Variants in KCNQ5 observed in about 807,000 individuals in gnomAD.
The protein encoded by KCNQ5 is potassium voltage-gated channel subfamily KQT member 5.
In KCNQ5, 30 loss-of-function variants were observed where a neutral mutation model predicts 98.2. The observed-to-expected ratio is 0.31, with a 90% CI of 0.23 to 0.41. The LOEUF (loss-of-function observed/expected upper bound fraction) is 0.41, where lower values mean the gene tolerates loss of function less well. KCNQ5 is among the 10% of genes least tolerant of loss of function. The pLI is 1.00. For missense variants in KCNQ5, 835 were observed against 1,182.5 expected, an observed-to-expected ratio of 0.71 and a Z score of 4.31; for synonymous variants, 458 against 449.4, an observed-to-expected ratio of 1.02 and a Z score of -0.24.
chr6:73,142,293 T>A (rs1776754056), intron 10 of KCNQ5, among the ~76,000 whole-genome samples: 1 of 152,178 alleles, frequency 6.6e-6, no homozygotes, highest in African/African-American at 2.4e-5. Context: ...GGGGACCATG[T>A]TAGAGTCAGG....
At chr6:72,908,317 C>G (rs747831943) in intron 1 of KCNQ5, among the ~76,000 whole-genome samples, 1 of 151,882 alleles carries the variant, frequency 6.6e-6, no homozygotes, top group African/African-American at 2.4e-5. Flanking sequence ...AATAAAATTG[C>G]GTTGTGTTTG....
At chr6:72,795,881 A>G (rs977177872) in intron 1 of KCNQ5, among the ~76,000 whole-genome samples, 3 of 151,236 alleles carry the variant, frequency 2.0e-5, no homozygotes, top group African/African-American at 7.3e-5. Flanking sequence ...TTCTTTTTGT[A>G]TATATATATA....
intron 9 of KCNQ5, among the ~76,000 whole-genome samples, chr6:73,128,580 A>G (rs1284494294): frequency 2.0e-5 from 3 of 152,164 alleles, no homozygotes; most frequent in African/African-American, 7.2e-5. Flanking sequence ...CTATCTACCT[A>G]AGTTTTATTG....
Position 72,937,477 on chromosome 6 carries a change from T to A in KCNQ5, c.399-66431T>A, listed in dbSNP as rs1410289303. ...ATATGTCTGTAAAATATAGCACACATTACCAAAATAAATATAATTTTGATC... is the reference window on the plus strand; with the variant it reads ...ATATGTCTGTAAAATATAGCACACAATACCAAAATAAATATAATTTTGATC... On this transcript the variant is annotated intron_variant, in intron 1 of 13. Transcript: ENST00000370398. Among the ~76,000 whole-genome samples the A allele has an allele frequency of 2.6e-5, 4 of 152,210 alleles. No homozygotes were observed. In the East Asian group the frequency reaches 5.8e-4, roughly 22 times the overall value.
In KCNQ5 at chr6:72,683,460, C is replaced by T. The variant is rs372391949; in HGVS notation, c.398+60873C>T. 1.1e-4 allele frequency among the ~76,000 whole-genome samples: 17 copies of T among 150,592 alleles called. 1 individual carries two copies. The highest frequency in any genetic ancestry group is 3.9e-4 in the African/African-American group (16 of 40,870). On this transcript the variant is annotated intron_variant, in intron 1 of 13. Transcript: ENST00000370398. ...TCGGCTCACTGTAAGCTCTGCCTCC[C>T]GGGTTCACGCCATTCTCCTGCCTCA...
At chr6:73,185,595 C>G (rs1042040355) in intron 11 of KCNQ5, among the ~76,000 whole-genome samples, 23 of 152,122 alleles carry the variant, frequency 1.5e-4, no homozygotes, top group African/African-American at 5.6e-4. Context: ...TTTTGTGGAC[C>G]TACACATACT....
intron 1 of KCNQ5, chr6:72,987,385 C>T (rs4708009): frequency 2.8e-6 from 2 of 713,800 alleles, no homozygotes; most frequent in Non-Finnish European, 5.3e-6. Context: ...TCAGGCAAAA[C>T]GGAAGCTTGT....
intron 1 of KCNQ5, among the ~76,000 whole-genome samples, chr6:72,646,149 T>G (rs1481164519): frequency 6.6e-6 from 1 of 152,158 alleles, no homozygotes; most frequent in African/African-American, 2.4e-5. Flanking sequence ...AATTCAAATC[T>G]CTGTATAATT....
intron 1 of KCNQ5, among the ~76,000 whole-genome samples, chr6:72,888,131 AGTAAAAC>A (rs1488831646): frequency 6.6e-6 from 1 of 152,212 alleles, no homozygotes; most frequent in Non-Finnish European, 1.5e-5. Flanking sequence ...TAATACATAA[AGTAAAAC>A]GTTAAAATTT....
At chr6:72,821,968 G>A (rs1352231956) in intron 1 of KCNQ5, among the ~76,000 whole-genome samples, 3 of 152,006 alleles carry the variant, frequency 2.0e-5, no homozygotes, top group Admixed American at 6.6e-5. Flanking sequence ...GCCCCTGAAC[G>A]GCCCTATCTT....
intron 1 of KCNQ5, among the ~76,000 whole-genome samples, chr6:72,844,443 A>G (rs1339180070): frequency 6.6e-6 from 1 of 152,252 alleles, no homozygotes; most frequent in Non-Finnish European, 1.5e-5. Context: ...GATCCATTCT[A>G]TAATGAAACA....
At chr6:72,962,420 C>T (rs1288312261) in intron 1 of KCNQ5, among the ~76,000 whole-genome samples, 4 of 151,658 alleles carry the variant, frequency 2.6e-5, no homozygotes, top group South Asian at 4.2e-4. Context: ...GATGGGTGCA[C>T]TAAAATCCCA....
At chr6:72,800,542 G>A (rs971242501) in intron 1 of KCNQ5, among the ~76,000 whole-genome samples, 1 of 152,060 alleles carries the variant, frequency 6.6e-6, no homozygotes, top group African/African-American at 2.4e-5. Context: ...CTTGCTAGCG[G>A]TCTATCAATT....
chr6:73,091,421 G>T (rs6905395), intron 5 of KCNQ5, among the ~76,000 whole-genome samples: 151,116 of 152,216 alleles, frequency 0.99, 75,021 homozygotes, highest in Middle Eastern at 1. Context: ...TGTATACCTA[G>T]GTAACAAACC....
At chr6:73,193,876 A>G (rs1156401976) in intron 13 of KCNQ5, among the ~76,000 whole-genome samples, 1 of 138,014 alleles carries the variant, frequency 7.2e-6, no homozygotes, top group Non-Finnish European at 1.5e-5. Flanking sequence ...CTTCTCTGTC[A>G]CCCAGGCTGA....
chr6:72,789,620 TGTG>T (rs1328235252), intron 1 of KCNQ5, among the ~76,000 whole-genome samples: 1 of 152,240 alleles, frequency 6.6e-6, no homozygotes, highest in Admixed American at 6.5e-5. Flanking sequence ...ATGTGTTAGA[TGTG>T]GTGACTTATT....
intron 12 of KCNQ5, 132 bp from the exon 13 acceptor site, chr6:73,192,433 A>G (rs1765623919): frequency 2.7e-6 from 2 of 748,558 alleles, no homozygotes; most frequent in Non-Finnish European, 4.0e-6. Context: ...AACTGGAACA[A>G]GTTCTTTCTT....
At chr6:72,633,742 G>A (rs538196497) in intron 1 of KCNQ5, among the ~76,000 whole-genome samples, 12 of 152,228 alleles carry the variant, frequency 7.9e-5, no homozygotes, top group South Asian at 2.1e-4. Flanking sequence ...GCACACTTAC[G>A]ATCTGATCTT....
At chr6:73,002,559 T>C (rs1292607202) in intron 1 of KCNQ5, among the ~76,000 whole-genome samples, 1 of 152,204 alleles carries the variant, frequency 6.6e-6, no homozygotes, top group Non-Finnish European at 1.5e-5. Context: ...AACCCCTCTA[T>C]GAATGTTAGT....
Sources: allele counts gnomAD v4.1 joint callset (sites outside exome capture counted in the v4.1 genomes callset), GRCh38; gene constraint gnomAD v4.1.1; transcripts MANE v1.5; gene names NCBI Gene and HGNC (gene_info 2026-07-23, HGNC 2026-07-21).